SLC22A15: variants seen among roughly 807,000 people sequenced by gnomAD.
SLC22A15 encodes flipt 1.
SLC22A15 carries 45 observed loss-of-function variants against 62.7 expected under a neutral mutation model. That is an observed-to-expected ratio of 0.72 (90% CI 0.56 to 0.92). The LOEUF is 0.92. Among genes scored for constraint, SLC22A15 ranks in the 40% least tolerant of loss-of-function variants. SLC22A15 has a pLI of 0.00. For synonymous variants in SLC22A15, 264 were observed against 267.0 expected (o/e 0.99, Z 0.11); for missense variants, 622 against 665.6 (o/e 0.93, Z 0.72).
chr1:115,985,362 A>G (rs1317731592), intron 1 of SLC22A15, among the ~76,000 whole-genome samples: 1 of 152,172 alleles, frequency 6.6e-6, no homozygotes, highest in Non-Finnish European at 1.5e-5. Context: ...TTATAGATCT[A>G]GGTTTGTGTA....
intron 8 of SLC22A15, among the ~76,000 whole-genome samples, chr1:116,059,348 C>G (rs1277338947): frequency 6.6e-6 from 1 of 152,166 alleles, no homozygotes; most frequent in African/African-American, 2.4e-5. Flanking sequence ...TAGATCCACA[C>G]AAAGACTTTG....
At chr1:116,052,125 G>C (rs1030738926) in intron 8 of SLC22A15, among the ~76,000 whole-genome samples, 1 of 152,242 alleles carries the variant, frequency 6.6e-6, no homozygotes, top group Admixed American at 6.5e-5. Flanking sequence ...GGAAGTGCAA[G>C]GGGTCAGGGA....
intron 5 of SLC22A15, among the ~76,000 whole-genome samples, chr1:116,031,117 A>C (rs945153812): frequency 1.3e-5 from 2 of 152,196 alleles, no homozygotes; most frequent in Admixed American, 6.5e-5. Context: ...AAATAAATGC[A>C]TACTGTTTGC....
At chr1:116,016,036 G>T (rs955794524) in intron 2 of SLC22A15, among the ~76,000 whole-genome samples, 1 of 151,892 alleles carries the variant, frequency 6.6e-6, no homozygotes, top group African/African-American at 2.4e-5. Context: ...AAATGCTGGA[G>T]CTCTTTTAAT....
At chr1:116,029,147 A>G (rs1421268244) in intron 5 of SLC22A15, among the ~76,000 whole-genome samples, 1 of 152,218 alleles carries the variant, frequency 6.6e-6, no homozygotes, top group Non-Finnish European at 1.5e-5. Flanking sequence ...TGGCACAAAA[A>G]CATTTGGAAT....
intron 8 of SLC22A15, 151 bp downstream of exon 8, chr1:116,037,539 C>T (rs1466142870): frequency 3.2e-6 from 2 of 632,244 alleles, no homozygotes; most frequent in Non-Finnish European, 5.6e-6. Context: ...CAGATTCTTT[C>T]CTTTGCTTCA....
rs200983456 is a variant in SLC22A15 at position 115,985,584 on chromosome 1, G to GT, written c.88-6437dup. 4.1e-4 allele frequency among the ~76,000 whole-genome samples: 61 copies of GT among 148,432 alleles called. 1 individual carries two copies. The highest frequency in any genetic ancestry group is 9.4e-4 in the African/African-American group (38 of 40,598). On this transcript the variant is annotated intron_variant, in intron 1 of 11. Coordinates refer to ENST00000369503, the MANE Select transcript of SLC22A15 (RefSeq NM_018420.3). ...AAGTTTTGGTGCTTGTTACAATTTT[G>GT]TTTTTTTTTTAAAATTAAACCATTG...
Position 116,014,615 on chromosome 1 carries a change from A to G in SLC22A15, c.301-4967A>G, listed in dbSNP as rs183563981. On this transcript the variant is annotated intron_variant, in intron 2 of 11. Coordinates refer to ENST00000369503, the MANE Select transcript of SLC22A15 (RefSeq NM_018420.3). ...ATTTTTCAATTTGAAGTACCTTAAC[A>G]TAAAAAGAACATTCATTCTGTGGCT... Among the ~76,000 whole-genome samples the G allele has an allele frequency of 1.1e-3, 165 of 152,350 alleles. 1 individual carries two copies. Among genetic ancestry groups the G allele is most frequent in the Middle Eastern group, 6.8e-3 (2 of 294 alleles).
intron 8 of SLC22A15, among the ~76,000 whole-genome samples, chr1:116,057,801 G>T (rs1318873365): frequency 1.3e-5 from 2 of 151,924 alleles, no homozygotes; most frequent in Non-Finnish European, 2.9e-5. Flanking sequence ...GTAAACTATC[G>T]CAAGGACAAA....
chr1:115,976,589 A>C lies in SLC22A15; in HGVS notation c.-39A>C. 1 of 1,486,386 alleles carries C rather than the reference A, an allele frequency of 6.7e-7. No individual in the cohort carries two copies. The highest frequency in any genetic ancestry group is 9.1e-7 in the Non-Finnish European group (1 of 1,099,512). The allele number at this position is 1,486,386 out of a possible 1,614,324, so 92.1% of individuals were successfully genotyped here. On this transcript the variant is annotated 5_prime_UTR_variant, in exon 1 of 12. Coordinates refer to ENST00000369503, the MANE Select transcript of SLC22A15 (RefSeq NM_018420.3). Reference sequence around the variant, plus strand: ...GCTGGGCGGGAGGGCAGCGCCTGAGAGGGCGGTGGGGTGGCGGGGTTCCTG... The same window carrying C: ...GCTGGGCGGGAGGGCAGCGCCTGAGCGGGCGGTGGGGTGGCGGGGTTCCTG...
chr1:116,036,300 T>C (rs1021375222), intron 7 of SLC22A15, among the ~76,000 whole-genome samples: 11 of 152,206 alleles, frequency 7.2e-5, no homozygotes, highest in African/African-American at 2.4e-4. Flanking sequence ...AAAAGTGTTA[T>C]AAGGAAGCCG....
intron 1 of SLC22A15, among the ~76,000 whole-genome samples, chr1:115,979,896 T>A (rs1654529386): frequency 6.6e-6 from 1 of 152,148 alleles, no homozygotes; most frequent in Admixed American, 6.6e-5. Flanking sequence ...ATGTAATCTA[T>A]AACAAGCATT....
intron 2 of SLC22A15, 52 bp from the exon 3 acceptor site, chr1:116,019,530 T>C: frequency 6.5e-7 from 1 of 1,530,388 alleles, no homozygotes; most frequent in Non-Finnish European, 8.7e-7. Flanking sequence ...ATTTGGTTTT[T>C]TAATAGCTAA....
At chr1:115,982,465 T>C (rs894190981) in intron 1 of SLC22A15, among the ~76,000 whole-genome samples, 3 of 152,334 alleles carry the variant, frequency 2.0e-5, no homozygotes, top group South Asian at 2.1e-4. Flanking sequence ...AGCAATGTTG[T>C]GAATGCGTTG....
At chr1:116,066,450 G>T in intron 10 of SLC22A15, 70 bp from the exon 11 acceptor site, 1 of 1,405,684 alleles carries the variant, frequency 7.1e-7, no homozygotes, top group Non-Finnish European at 9.6e-7. Context: ...TCAGTCATGA[G>T]ACTGCTTGTA....
intron 1 of SLC22A15, 43 bp downstream of exon 1, chr1:115,976,757 C>T (rs778459249): frequency 6.8e-7 from 1 of 1,479,842 alleles, no homozygotes. Context: ...CTCTTCAGGG[C>T]CGCCCGGCGC....
chr1:115,992,110 T>A lies in SLC22A15; in HGVS notation c.167T>A (p.Leu56Gln), dbSNP rs749492472. The A allele has an allele frequency of 1.9e-6, 3 of 1,614,002 alleles. No homozygotes were observed. The highest frequency in any genetic ancestry group is 2.5e-6 in the Non-Finnish European group (3 of 1,179,882). Reference sequence around the variant, plus strand: ...TACCACTGGGACCTGGCAGAGCTCCTGCCAAATCAGAGCCACGGTAACCAG... The same window carrying A: ...TACCACTGGGACCTGGCAGAGCTCCAGCCAAATCAGAGCCACGGTAACCAG... ...PSYHWDLAEL[L>Q]PNQSHGNQSA... Residue 56 changes from leucine (L) to glutamine (Q), a missense_variant, in exon 2 of 12, where the codon CTG becomes CAG. Physicochemically the swap from Leu to Gln is moderately radical, Grantham distance 113. Coordinates refer to ENST00000369503, the MANE Select transcript of SLC22A15 (RefSeq NM_018420.3).
intron 1 of SLC22A15, among the ~76,000 whole-genome samples, chr1:115,977,996 G>C (rs1445715529): frequency 6.6e-6 from 1 of 152,116 alleles, no homozygotes; most frequent in African/African-American, 2.4e-5. Context: ...TTTTAAGCTC[G>C]TTGTTTTAGC....
At chr1:116,058,262 A>C (rs993133590) in intron 8 of SLC22A15, among the ~76,000 whole-genome samples, 3 of 152,172 alleles carry the variant, frequency 2.0e-5, no homozygotes, top group African/African-American at 7.2e-5. Context: ...AACTCAAACA[A>C]ATCAGTAAGG....
Sources: allele counts gnomAD v4.1 joint callset (sites outside exome capture counted in the v4.1 genomes callset), GRCh38; gene constraint gnomAD v4.1.1; transcripts MANE v1.5; gene names NCBI Gene and HGNC (gene_info 2026-07-23, HGNC 2026-07-21).